The following ZNF536 variants were observed in gnomAD, a reference collection of about 807,000 sequenced individuals.
ZNF536 encodes the protein zinc finger protein 536.
Under a neutral mutation model 84.5 loss-of-function variants are expected in ZNF536, and 13 were observed. The ratio of observed to expected loss-of-function variants is 0.15; its 90% CI spans 0.10 to 0.24. The LOEUF (loss-of-function observed/expected upper bound fraction) is 0.24. Among genes scored for constraint, ZNF536 ranks in the 10% least tolerant of loss-of-function variants. ZNF536 has a pLI of 1.00. For missense variants in ZNF536, 1,536 were observed against 1,747.5 expected, an observed-to-expected ratio of 0.88 and a Z score of 2.16; for synonymous variants, 811 against 742.5, an observed-to-expected ratio of 1.09 and a Z score of -1.50.
chr19:30,382,621 G>A lies in ZNF536; in HGVS notation c.-3+10065G>A, dbSNP rs140737117. Among the ~76,000 whole-genome samples, 138 of 151,630 alleles carry A rather than the reference G, an allele frequency of 9.1e-4. No homozygotes were observed. In the Middle Eastern group the frequency reaches 0.017, roughly 19 times the overall value. ...CTGTGTGAAAACTAGAAGTATTTGCGTGTTTTTGGTCCCACTTGTAAGTTA... is the reference window on the plus strand; with the variant it reads ...CTGTGTGAAAACTAGAAGTATTTGCATGTTTTTGGTCCCACTTGTAAGTTA... On this transcript the variant is annotated intron_variant, in intron 1 of 4. Transcript: ENST00000355537.
At chr19:30,560,854 C>T (rs376880026), downstream of ZNF536, among the ~76,000 whole-genome samples, 7 of 152,258 alleles carry the variant, frequency 4.6e-5, no homozygotes, top group Non-Finnish European at 7.3e-5. Flanking sequence ...ATCCCCAAAT[C>T]GGCAGCAGTG....
intron 1 of ZNF536, among the ~76,000 whole-genome samples, chr19:30,410,653 G>GTTT (rs1404274327): frequency 1.3e-5 from 2 of 149,426 alleles, no homozygotes; most frequent in Admixed American, 6.7e-5. Context: ...TTTTTTTTGT[G>GTTT]TTTTTTAGTA....
At chr19:30,360,212 G>T (rs1017227405) in intron 3 of ZNF536, among the ~76,000 whole-genome samples, 1 of 152,224 alleles carries the variant, frequency 6.6e-6, no homozygotes, top group Admixed American at 6.5e-5. Context: ...GAAGGGGTCG[G>T]CTCGGCTCTG....
chr19:30,423,544 G>T (rs2147878622), intron 1 of ZNF536, among the ~76,000 whole-genome samples: 1 of 152,336 alleles, frequency 6.6e-6, no homozygotes, highest in Admixed American at 6.5e-5. Flanking sequence ...CCTTTTCTCT[G>T]TCACTGCTGG....
At chr19:30,474,010 C>A (rs185123121) in intron 2 of ZNF536, among the ~76,000 whole-genome samples, 1 of 152,178 alleles carries the variant, frequency 6.6e-6, no homozygotes, top group East Asian at 1.9e-4. Context: ...ATGTGCCTGG[C>A]CCATAGTAGC....
intron 2 of ZNF536, among the ~76,000 whole-genome samples, chr19:30,287,820 G>A (rs1313099653): frequency 6.6e-6 from 1 of 152,074 alleles, no homozygotes; most frequent in African/African-American, 2.4e-5. Flanking sequence ...ATGGTGGATG[G>A]ATGGATGGAT....
At chr19:30,486,143 G>A (rs1193014193) in intron 2 of ZNF536, among the ~76,000 whole-genome samples, 1 of 152,074 alleles carries the variant, frequency 6.6e-6, no homozygotes, top group Non-Finnish European at 1.5e-5. Context: ...GGATGTGCAG[G>A]TTTGTTACAT....
intron 2 of ZNF536, among the ~76,000 whole-genome samples, chr19:30,328,734 G>A (rs545733026): frequency 2.6e-5 from 4 of 152,370 alleles, no homozygotes; most frequent in African/African-American, 7.2e-5. Flanking sequence ...AAAGATCGTG[G>A]CATGTTCATA....
chr19:30,378,209 C>G (rs1439872094), intron 1 of ZNF536, among the ~76,000 whole-genome samples: 5 of 152,188 alleles, frequency 3.3e-5, no homozygotes, highest in Admixed American at 2.0e-4. Flanking sequence ...GTCACCCAGG[C>G]TGGAGTGAAG....
At chr19:30,238,613 T>C (rs2023716082) in intron 1 of ZNF536, among the ~76,000 whole-genome samples, 1 of 152,100 alleles carries the variant, frequency 6.6e-6, no homozygotes, top group South Asian at 2.1e-4. Context: ...CTTCCGTCTT[T>C]TCCTCCCTCC....
chr19:30,630,705 AG>A (rs2147234609), intron 1 of ZNF536, among the ~76,000 whole-genome samples: 1 of 152,274 alleles, frequency 6.6e-6, no homozygotes, highest in South Asian at 2.1e-4. Flanking sequence ...ACTGCTACCC[AG>A]GCTCAGTCTG....
intron 2 of ZNF536, among the ~76,000 whole-genome samples, chr19:30,348,940 C>A (rs2047840619): frequency 6.6e-6 from 1 of 151,706 alleles, no homozygotes. Context: ...AAACACAATC[C>A]AAAGATAAGG....
At chr19:30,236,644 G>A (rs1206981635) in intron 1 of ZNF536, among the ~76,000 whole-genome samples, 1 of 152,110 alleles carries the variant, frequency 6.6e-6, no homozygotes, top group Non-Finnish European at 1.5e-5. Context: ...AATGGATTAA[G>A]GCTGCAAGGT....
intron 1 of ZNF536, among the ~76,000 whole-genome samples, chr19:30,613,535 A>C (rs1471948339): frequency 6.6e-6 from 1 of 152,166 alleles, no homozygotes; most frequent in Non-Finnish European, 1.5e-5. Context: ...ATGACTGTCA[A>C]TATTTTGTTG....
At chr19:30,631,954 A>C (rs887512171) in intron 1 of ZNF536, among the ~76,000 whole-genome samples, 2 of 151,990 alleles carry the variant, frequency 1.3e-5, no homozygotes, top group African/African-American at 2.4e-5. Flanking sequence ...CTTTTGTTTG[A>C]TTTTCAGTCT....
chr19:30,703,560 C>A (rs2052088998), intron 1 of ZNF536, among the ~76,000 whole-genome samples: 1 of 152,136 alleles, frequency 6.6e-6, no homozygotes. Context: ...TTCCCAGATC[C>A]CCCATTCAAA....
chr19:30,487,975 T>C (rs926614911), intron 2 of ZNF536, among the ~76,000 whole-genome samples: 1 of 152,200 alleles, frequency 6.6e-6, no homozygotes, highest in African/African-American at 2.4e-5. Flanking sequence ...GCAATAAAAC[T>C]CTCAGCTTAA....
rs1013587961 is a variant in ZNF536, at chr19:30,549,414, G to A, written c.3795G>A (p.Leu1265=). The change falls in exon 4 of 5, where the codon CTG becomes CTA. Residue 1265 remains leucine, a synonymous_variant. Coordinates refer to ENST00000355537, the MANE Select transcript of ZNF536 (RefSeq NM_014717.3). ...PQSLDKPMNM[L]SVLRAYSSDG... is the part of the protein sequence containing the mutation. ...GCCTGGACAAGCCGATGAACATGCT[G>A]TCGGTCCTCAGGGCCTACAGTTCTG... 1 of 1,589,538 alleles carries A rather than the reference G, an allele frequency of 6.3e-7. No individual in the cohort carries two copies. Among genetic ancestry groups the A allele is most frequent in the Non-Finnish European group, 8.6e-7 (1 of 1,167,924 alleles).
chr19:30,633,638 T>C (rs1482207010), intron 1 of ZNF536, among the ~76,000 whole-genome samples: 2 of 152,252 alleles, frequency 1.3e-5, no homozygotes, highest in Non-Finnish European at 2.9e-5. Context: ...TTTGTCTTTC[T>C]GTGTTTGGCA....
Sources: allele counts gnomAD v4.1 joint callset (sites outside exome capture counted in the v4.1 genomes callset), GRCh38; gene constraint gnomAD v4.1.1; transcripts MANE v1.5; gene names NCBI Gene and HGNC (gene_info 2026-07-23, HGNC 2026-07-21).